The following DTNB variants were observed in gnomAD, a reference collection of about 807,000 sequenced individuals.
The protein encoded by DTNB is DTN-B.
A neutral mutation model predicts 90.7 loss-of-function variants in DTNB; 63 were observed. The observed-to-expected ratio is 0.69, with a 90% CI of 0.57 to 0.86. DTNB has a LOEUF of 0.86. Ranked by LOEUF, DTNB falls within the 40% of genes least tolerant of loss-of-function variation. The pLI is 0.00. For synonymous variants in DTNB, 277 were observed against 286.7 expected, an observed-to-expected ratio of 0.97 and a Z score of 0.34; for missense variants, 744 against 807.1, an observed-to-expected ratio of 0.92 and a Z score of 0.95.
chr2:25,618,361 C>T (rs983545848), intron 4 of DTNB, among the ~76,000 whole-genome samples: 3 of 152,142 alleles, frequency 2.0e-5, no homozygotes, highest in Admixed American at 6.5e-5. Flanking sequence ...ATCCTTCCCA[C>T]GAGACATCTG....
At chr2:25,400,050 G>A (rs918121447) in intron 16 of DTNB, among the ~76,000 whole-genome samples, 1 of 152,168 alleles carries the variant, frequency 6.6e-6, no homozygotes, top group African/African-American at 2.4e-5. Flanking sequence ...TGCTGGCCAC[G>A]TAGGCCTTGT....
At chr2:25,667,241 C>A (rs1335470665) in intron 1 of DTNB, among the ~76,000 whole-genome samples, 1 of 151,980 alleles carries the variant, frequency 6.6e-6, no homozygotes, top group Non-Finnish European at 1.5e-5. Context: ...TTAATCCCAA[C>A]ACTTTGGGAG....
chr2:25,568,709 G>T, intron 8 of DTNB, among the ~76,000 whole-genome samples: 1 of 152,220 alleles, frequency 6.6e-6, no homozygotes, highest in South Asian at 2.1e-4. Context: ...GGGACAGAGT[G>T]TAATTTCCAA....
chr2:25,627,861 T>C (rs541868770), intron 4 of DTNB, among the ~76,000 whole-genome samples: 112 of 151,440 alleles, frequency 7.4e-4, no homozygotes, highest in African/African-American at 2.0e-3. Context: ...CTCAGCCTCC[T>C]AAGTAGCTGA....
Position 25,628,392 on chromosome 2 carries a change from A to G in DTNB, c.149-8T>C, listed in dbSNP as rs2074918346. On this transcript the variant is annotated splice_region_variant and splice_polypyrimidine_tract_variant and intron_variant, in intron 3 of 20. Transcript: ENST00000406818. ...AGATATCAACAAGATGAACTAAAAG[A>G]CAAAGAAAATAAACTGTCAACAATT... The G allele has an allele frequency of 6.2e-7, 1 of 1,609,798 alleles. No homozygotes were observed. Among genetic ancestry groups the G allele is most frequent in the Admixed American group, 1.7e-5 (1 of 59,482 alleles).
In DTNB at chr2:25,388,243, A is replaced by G; in HGVS notation, c.1694T>C (p.Leu565Pro). 2 of 1,603,922 alleles carry G rather than the reference A, an allele frequency of 1.2e-6. No individual in the cohort carries two copies. Among genetic ancestry groups the G allele is most frequent in the Non-Finnish European group, 1.7e-6 (2 of 1,175,670 alleles). ...CTGCACGTCTCCCCCGACTCCGCTC[A>G]GCGAGTCCTGCGGACAGTGGGTGGG... ...STPTHCPQDS[L>P]SGVGGDVQEA... Residue 565 changes from leucine (L) to proline (P), a missense_variant, in exon 17 of 21, where the codon CTG (leucine) becomes CCG (proline). By Grantham distance (98) the Leu-to-Pro change is moderately conservative. Transcript: ENST00000406818.
At chr2:25,504,555 A>C (rs1393125191) in intron 9 of DTNB, among the ~76,000 whole-genome samples, 2 of 131,750 alleles carry the variant, frequency 1.5e-5, no homozygotes, top group Non-Finnish European at 3.4e-5. Context: ...AAGGCAAGGC[A>C]GAAAGAAAGA....
At chr2:25,630,886 C>T (rs1265914187) in intron 3 of DTNB, among the ~76,000 whole-genome samples, 2 of 144,848 alleles carry the variant, frequency 1.4e-5, no homozygotes, top group East Asian at 2.1e-4. Flanking sequence ...AGTGCTGATG[C>T]ATTCTGCAAT....
Position 25,495,583 on chromosome 2 carries a change from T to C in DTNB, c.1002-12710A>G, listed in dbSNP as rs151321240. ...AAGGAGCCCAGGTTCTAAAAGCCCT[T>C]TCATTGCAATGATTCTCGTGTGGAT... is the stretch of plus-strand genomic sequence containing the variant. On this transcript the variant is annotated intron_variant, in intron 9 of 20. Transcript: ENST00000406818. Among the ~76,000 whole-genome samples, 306 of 152,310 alleles carry C rather than the reference T, an allele frequency of 2.0e-3. 11 individuals are homozygous for C. In the East Asian group the frequency reaches 0.052, roughly 26 times the overall value.
chr2:25,496,779 G>A (rs1296796108), intron 9 of DTNB, among the ~76,000 whole-genome samples: 1 of 150,884 alleles, frequency 6.6e-6, no homozygotes, highest in African/African-American at 2.4e-5. Context: ...GGAGGCCGAT[G>A]TTGCAATGAG....
chr2:25,614,267 G>C (rs1016047904), intron 4 of DTNB, among the ~76,000 whole-genome samples: 4 of 152,110 alleles, frequency 2.6e-5, no homozygotes, highest in African/African-American at 9.7e-5. Flanking sequence ...CTAAGATTAA[G>C]AACAAATCAA....
intron 9 of DTNB, among the ~76,000 whole-genome samples, chr2:25,517,079 C>T (rs939010187): frequency 1.3e-5 from 2 of 152,026 alleles, no homozygotes; most frequent in African/African-American, 2.4e-5. Flanking sequence ...GAATGGATAA[C>T]AAAATGTGAT....
intron 2 of DTNB, among the ~76,000 whole-genome samples, chr2:25,645,784 G>A (rs2079308966): frequency 6.6e-6 from 1 of 152,072 alleles, no homozygotes; most frequent in Admixed American, 6.6e-5. Context: ...TTTCATTAAG[G>A]GGGTACCCTA....
intron 10 of DTNB, among the ~76,000 whole-genome samples, chr2:25,470,703 A>G (rs1352257969): frequency 6.6e-6 from 1 of 152,090 alleles, no homozygotes; most frequent in Non-Finnish European, 1.5e-5. Context: ...GGATCACAGT[A>G]TGTAAAGCTG....
chr2:25,458,719 A>C (rs1349646633), intron 10 of DTNB, among the ~76,000 whole-genome samples: 3 of 152,038 alleles, frequency 2.0e-5, no homozygotes, highest in Non-Finnish European at 4.4e-5. Flanking sequence ...ATCTCTGTTC[A>C]CTGCAAGCTC....
intron 6 of DTNB, among the ~76,000 whole-genome samples, chr2:25,590,527 C>G (rs147812575): frequency 1.1e-3 from 173 of 152,138 alleles, no homozygotes; most frequent in African/African-American, 3.9e-3. Flanking sequence ...GTCCTGATGT[C>G]TCTTCAGCTC....
intron 12 of DTNB, among the ~76,000 whole-genome samples, chr2:25,443,164 C>T (rs1009351815): frequency 4.0e-5 from 6 of 151,678 alleles, no homozygotes; most frequent in Admixed American, 3.9e-4. Flanking sequence ...CAATGAAAGG[C>T]AAAAAAGGGA....
At chr2:25,639,602 C>CA (rs766963314) in intron 2 of DTNB, among the ~76,000 whole-genome samples, 2,006 of 106,684 alleles carry the variant, frequency 0.019, 25 homozygotes, top group African/African-American at 0.04. Flanking sequence ...CTGTATTTTC[C>CA]AAAAAAAAAA....
Position 25,455,395 on chromosome 2 carries a change from C to T in DTNB, c.1169+10G>A, listed in dbSNP as rs769152215. On this transcript the variant is annotated intron_variant, in intron 11 of 20. Transcript: ENST00000406818. ...CCGTGGCTACCCACTGCTGCTGCAC[C>T]ACCACTGACCGTGCACAGTGCTGCA... 6.3e-7 allele frequency: 1 copy of T among 1,585,290 alleles called. No individual in the cohort carries two copies.
Sources: gnomAD v4.1 joint callset for allele counts (sites outside exome capture counted in the v4.1 genomes callset) on GRCh38, gnomAD v4.1.1 for gene constraint, MANE v1.5 for transcripts, NCBI Gene and HGNC (gene_info 2026-07-23, HGNC 2026-07-21) for gene names.